Variants in DCAF8L2 observed in about 807,000 individuals in gnomAD.
DCAF8L2 encodes the protein DDB1- and CUL4-associated factor 8-like protein 2.
For missense variants in DCAF8L2, 430 were observed against 490.7 expected, an observed-to-expected ratio of 0.88 and a Z score of 1.17; for synonymous variants, 200 against 190.9, an observed-to-expected ratio of 1.05 and a Z score of -0.39.
At chrX:27,619,880 CTA>C (rs1927674071) in intron 1 of DCAF8L2, among the ~76,000 whole-genome samples, 1 of 110,564 alleles carries the variant, frequency 9.0e-6, no homozygotes, top group Non-Finnish European at 1.9e-5. Flanking sequence ...AAAAAAAAGA[CTA>C]AAATATTTGC....
intron 1 of DCAF8L2, among the ~76,000 whole-genome samples, chrX:27,627,958 A>G (rs1238696630): frequency 9.2e-6 from 1 of 108,295 alleles, no homozygotes; most frequent in African/African-American, 3.4e-5. Flanking sequence ...ACATAACATC[A>G]TGAGATCTAC....
upstream of DCAF8L2, among the ~76,000 whole-genome samples, chrX:27,588,015 T>C (rs980971862): frequency 5.0e-5 from 5 of 99,317 alleles, no homozygotes; most frequent in Admixed American, 1.1e-4. Flanking sequence ...TATATATATA[T>C]AATTTCAAAG....
chrX:27,564,815 C>T, the DCAF8L2 span, among the ~76,000 whole-genome samples: 1 of 109,706 alleles, frequency 9.1e-6, no homozygotes, highest in Admixed American at 9.8e-5. Flanking sequence ...TTAAAACTCT[C>T]TTCAATCCTG....
chrX:27,590,465 A>C (rs1926019495), intron 1 of DCAF8L2, 25 bp downstream of exon 1: 1 of 111,684 alleles, frequency 9.0e-6, no homozygotes. Context: ...TTTTGATTTC[A>C]ACAATGATTT....
intron 4 of DCAF8L2, among the ~76,000 whole-genome samples, chrX:27,733,345 A>T (rs1321762526): frequency 8.9e-6 from 1 of 112,077 alleles, no homozygotes; most frequent in East Asian, 2.8e-4. Context: ...AAAAATGTAT[A>T]TTCATGTCCT....
intron 3 of DCAF8L2, among the ~76,000 whole-genome samples, chrX:27,684,555 T>A (rs900298829): frequency 1.8e-5 from 2 of 111,299 alleles, no homozygotes; most frequent in African/African-American, 6.5e-5. Flanking sequence ...ATATACAACT[T>A]CCCTAATGAA....
chrX:27,643,802 G>T (rs1419495450), intron 2 of DCAF8L2, among the ~76,000 whole-genome samples: 2 of 111,646 alleles, frequency 1.8e-5, no homozygotes, highest in Non-Finnish European at 3.8e-5. Context: ...TACCTAATAT[G>T]TGTTTGATTT....
intron 4 of DCAF8L2, among the ~76,000 whole-genome samples, chrX:27,729,234 G>A (rs1171314292): frequency 9.0e-6 from 1 of 111,557 alleles, no homozygotes; most frequent in Non-Finnish European, 1.9e-5. Context: ...AGACATGGGG[G>A]AAGTAGCTCT....
the DCAF8L2 span, among the ~76,000 whole-genome samples, chrX:27,529,659 G>A: frequency 1.8e-5 from 2 of 111,922 alleles, no homozygotes; most frequent in South Asian, 7.3e-4. Flanking sequence ...ATATTTTTAA[G>A]CAATACTTTG....
chrX:27,534,338 G>A, the DCAF8L2 span, among the ~76,000 whole-genome samples: 3 of 111,952 alleles, frequency 2.7e-5, no homozygotes, highest in African/African-American at 9.7e-5. Flanking sequence ...CATCATAACT[G>A]CAACTTATTC....
chrX:27,476,893 A>G, the DCAF8L2 span, among the ~76,000 whole-genome samples: 1 of 112,199 alleles, frequency 8.9e-6, no homozygotes. Context: ...ATATATGAAC[A>G]GATAAAGACT....
At chrX:27,521,807 A>G in the DCAF8L2 span, among the ~76,000 whole-genome samples, 1 of 111,920 alleles carries the variant, frequency 8.9e-6, no homozygotes, top group South Asian at 3.7e-4. Context: ...TTAGAACGAA[A>G]AAGGTATATA....
the DCAF8L2 span, among the ~76,000 whole-genome samples, chrX:27,499,902 C>T: frequency 2.7e-5 from 3 of 111,601 alleles, no homozygotes; most frequent in African/African-American, 9.8e-5. Context: ...AATGTTTTCT[C>T]ACATTCTGTG....
At chrX:27,573,254 TCACA>T in the DCAF8L2 span, among the ~76,000 whole-genome samples, 13 of 99,724 alleles carry the variant, frequency 1.3e-4, no homozygotes, top group African/African-American at 3.4e-4. Flanking sequence ...TCTCTCTCTC[TCACA>T]CACACACACA....
chrX:27,627,977 A>G lies in DCAF8L2; in HGVS notation c.-341-3902A>G, dbSNP rs187719100. 1.3e-4 allele frequency among the ~76,000 whole-genome samples: 14 copies of G among 110,567 alleles called. No individual in the cohort carries two copies. In the East Asian group the frequency reaches 4.0e-3, roughly 32 times the overall value. Reference sequence around the variant, plus strand: ...AACATCATGAGATCTACTCTCTTCAATTTTGAAGTATAAAATACCATATTG... The same window carrying G: ...AACATCATGAGATCTACTCTCTTCAGTTTTGAAGTATAAAATACCATATTG... On this transcript the variant is annotated intron_variant, in intron 1 of 4. Transcript: ENST00000451261.
chrX:27,647,406 C>T (rs1445223984), intron 2 of DCAF8L2, among the ~76,000 whole-genome samples: 1 of 110,543 alleles, frequency 9.0e-6, no homozygotes, highest in Admixed American at 9.7e-5. Context: ...TGGCACTTGT[C>T]GGGGAAGAGT....
chrX:27,519,459 G>A, the DCAF8L2 span: 23 of 1,107,061 alleles, frequency 2.1e-5, no homozygotes, highest in East Asian at 6.3e-4. Flanking sequence ...AAGCCAAGAA[G>A]AAAAAGGAAG....
At chrX:27,520,306 G>T in the DCAF8L2 span, among the ~76,000 whole-genome samples, 5 of 111,961 alleles carry the variant, frequency 4.5e-5, no homozygotes, top group African/African-American at 1.6e-4. Context: ...TACATTGAGA[G>T]ATTTAAAAAG....
the DCAF8L2 span, among the ~76,000 whole-genome samples, chrX:27,514,668 C>CAAAAAAAAA: frequency 4.0e-4 from 1 of 2,521 alleles, no homozygotes; most frequent in Non-Finnish European, 7.4e-4. Flanking sequence ...GACTCCGTCT[C>CAAAAAAAAA]AAAAAAAAAA....
Sources: allele counts gnomAD v4.1 joint callset (sites outside exome capture counted in the v4.1 genomes callset), GRCh38; gene constraint gnomAD v4.1.1; transcripts MANE v1.5; gene names NCBI Gene and HGNC (gene_info 2026-07-23, HGNC 2026-07-21).